TTC21B: variants seen among roughly 807,000 people sequenced by gnomAD.
TTC21B encodes tetratricopeptide repeat domain 21B, also known as tetratricopeptide repeat protein 21B.
TTC21B carries 127 observed loss-of-function variants against 175.1 expected under a neutral mutation model. The ratio of observed to expected loss-of-function variants is 0.73; its 90% CI spans 0.63 to 0.84. The LOEUF (loss-of-function observed/expected upper bound fraction) is 0.84. Ranked by LOEUF, TTC21B falls within the 40% of genes least tolerant of loss-of-function variation. The probability of loss-of-function intolerance (pLI) is 0.00; values close to 1 mark genes in which losing one functional copy is unlikely to be tolerated. For synonymous variants in TTC21B, 524 were observed against 524.5 expected (o/e 1.00, Z 0.01); for missense variants, 1,561 against 1,558.3 (o/e 1.00, Z -0.03).
intron 5 of TTC21B, among the ~76,000 whole-genome samples, chr2:165,941,558 G>C (rs1304172175): frequency 6.6e-6 from 1 of 151,876 alleles, no homozygotes; most frequent in East Asian, 1.9e-4. Flanking sequence ...TAGAAATTTT[G>C]CATCTTTTTT....
chr2:165,915,706 T>C (rs1357562043), intron 14 of TTC21B, among the ~76,000 whole-genome samples: 1 of 152,164 alleles, frequency 6.6e-6, no homozygotes, highest in Non-Finnish European at 1.5e-5. Context: ...GCTACTATAT[T>C]AATGAGCACT....
rs1354698515 is a variant in TTC21B, at chr2:165,930,372, G to T, written c.895-8C>A. ...AAGTTGACTACGTCCACACTAAAAA[G>T]AAAAAAAAATGATGTAAGATTTCAA... On this transcript the variant is annotated splice_polypyrimidine_tract_variant and splice_region_variant and intron_variant, in intron 8 of 28. Transcript: ENST00000243344. 9 of 1,556,920 alleles carry T rather than the reference G, an allele frequency of 5.8e-6. No individual in the cohort carries two copies. The highest frequency in any genetic ancestry group is 7.8e-6 in the Non-Finnish European group (9 of 1,149,928).
chr2:165,947,494 C>G (rs553630049), intron 3 of TTC21B: 14 of 151,878 alleles, frequency 9.2e-5, no homozygotes, highest in Non-Finnish European at 1.6e-4. Context: ...CTCCCCACCC[C>G]TACAACCCCT....
intron 12 of TTC21B, among the ~76,000 whole-genome samples, chr2:165,919,973 A>G (rs992559592): frequency 3.9e-5 from 6 of 152,226 alleles, no homozygotes; most frequent in African/African-American, 1.4e-4. Context: ...TTAAATACCA[A>G]TGGAAATAAT....
At chr2:165,934,604 A>G (rs200292609) in intron 6 of TTC21B, 2 of 1,074 alleles carry the variant, frequency 1.9e-3, no homozygotes, top group East Asian at 0.5. Flanking sequence ...AGGCTCACTT[A>G]AAAAAAAAAA....
At chr2:165,940,414 T>C (rs1163851831) in intron 6 of TTC21B, among the ~76,000 whole-genome samples, 1 of 152,124 alleles carries the variant, frequency 6.6e-6, no homozygotes, top group Non-Finnish European at 1.5e-5. Flanking sequence ...ACAAGACCCT[T>C]CACCATCTAG....
At chr2:165,891,967 T>G (rs534790780) in intron 22 of TTC21B, among the ~76,000 whole-genome samples, 93 of 152,198 alleles carry the variant, frequency 6.1e-4, no homozygotes, top group East Asian at 3.9e-4. Flanking sequence ...GGAGTCACAT[T>G]GGGGTTTTGA....
At position 165,941,037 on chromosome 2, in the gene TTC21B, T is replaced by A. The variant is rs1243555358; in HGVS notation, c.700A>T (p.Thr234Ser). ...CTTTTATTACTTAACCTTTGTGCTGTCTCAACTGTCTGGTCCCAATCCTGC... is the reference window on the plus strand; with the variant it reads ...CTTTTATTACTTAACCTTTGTGCTGACTCAACTGTCTGGTCCCAATCCTGC... The part of the protein sequence containing the change: ...ALQDWDQTVE[T>S]AQRLLLQDSQ... Residue 234 changes from threonine (T) to serine (S), a missense_variant, in exon 6 of 29, where the codon ACA becomes TCA. Coordinates refer to ENST00000243344, the MANE Select transcript of TTC21B (RefSeq NM_024753.5). The A allele has an allele frequency of 6.2e-7, 1 of 1,613,796 alleles. No individual in the cohort carries two copies. The highest frequency in any genetic ancestry group is 8.5e-7 in the Non-Finnish European group (1 of 1,179,832).
rs201602895 is a variant in TTC21B at position 165,933,074 on chromosome 2, T to G, written c.711-17A>C. On this transcript the variant is annotated splice_polypyrimidine_tract_variant and intron_variant, in intron 6 of 28. Transcript: ENST00000243344. ...AGCAGCAACCTGCAGGAAAACAATT[T>G]AGTTAATGTCAAAATAAATTTATAT... 3.7e-6 allele frequency: 6 copies of G among 1,607,092 alleles called. No homozygotes were observed. Among genetic ancestry groups the G allele is most frequent in the Non-Finnish European group, 5.1e-6 (6 of 1,175,568 alleles).
chr2:165,892,686 A>G (rs1685236502), intron 22 of TTC21B, among the ~76,000 whole-genome samples: 1 of 152,224 alleles, frequency 6.6e-6, no homozygotes, highest in Non-Finnish European at 1.5e-5. Flanking sequence ...CATAGAAAGT[A>G]GAATGATGGT....
In TTC21B at chr2:165,946,297, C is replaced by T. The variant is rs148816561; in HGVS notation, c.263-607G>A. ...GAGCTTGCAGTGAGCAGAGATCGCG[C>T]CACTGCACTCCAGCCTGGGTGATAG... On this transcript the variant is annotated intron_variant, in intron 3 of 28. Transcript: ENST00000243344. 7.5e-3 allele frequency among the ~76,000 whole-genome samples: 1,141 copies of T among 151,922 alleles called. 17 individuals carry two copies. Among genetic ancestry groups the T allele is most frequent in the African/African-American group, 0.026 (1,083 of 41,386 alleles).
intron 5 of TTC21B, 115 bp from the exon 6 acceptor site, chr2:165,941,299 T>C (rs1214907101): frequency 4.3e-6 from 5 of 1,150,472 alleles, no homozygotes; most frequent in Non-Finnish European, 6.3e-6. Flanking sequence ...TGAGGAGCAG[T>C]TATCACTTTT....
At chr2:165,900,650 A>G (rs929905131) in intron 20 of TTC21B, among the ~76,000 whole-genome samples, 1 of 152,150 alleles carries the variant, frequency 6.6e-6, no homozygotes, top group Non-Finnish European at 1.5e-5. Flanking sequence ...CTAAACACCA[A>G]TTGAAATACA....
In TTC21B at chr2:165,873,881, G is replaced by A. The variant is rs1257805036; in HGVS notation, c.*874C>T. On this transcript the variant is annotated 3_prime_UTR_variant, in exon 29 of 29. Coordinates refer to ENST00000243344, the MANE Select transcript of TTC21B (RefSeq NM_024753.5). Reference sequence around the variant, plus strand: ...CCACCCATTAACATTACAGAATGCAGGGGGAGCTTACCCTGATTTGCAAAA... The same window carrying A: ...CCACCCATTAACATTACAGAATGCAAGGGGAGCTTACCCTGATTTGCAAAA... 6.6e-6 allele frequency: 1 copy of A among 152,032 alleles called. No homozygotes were observed. The highest frequency in any genetic ancestry group is 2.4e-5 in the African/African-American group (1 of 41,388). 9.4% of individuals were successfully genotyped at this position (152,032 alleles called of 1,614,324 possible).
chr2:165,880,719 C>T lies in TTC21B; in HGVS notation c.3765G>A (p.Glu1255=). The change falls in exon 27 of 29, where the codon GAG becomes GAA. Residue 1255 remains glutamate, a synonymous_variant. Coordinates refer to ENST00000243344, the MANE Select transcript of TTC21B (RefSeq NM_024753.5). ...QAYTDAALNY[E]MAWKYSNRTN... Reference sequence around the variant, plus strand: ...TCCGATTGCTATATTTCCATGCCATCTCATAGTTCAAGGCAGCATCTGTAT... The same window carrying T: ...TCCGATTGCTATATTTCCATGCCATTTCATAGTTCAAGGCAGCATCTGTAT... The T allele has an allele frequency of 6.2e-7, 1 of 1,613,610 alleles. No individual in the cohort carries two copies.
At chr2:165,892,915 A>G (rs949823079) in intron 22 of TTC21B, among the ~76,000 whole-genome samples, 8 of 152,270 alleles carry the variant, frequency 5.3e-5, no homozygotes, top group African/African-American at 1.4e-4. Context: ...TTTAAAAAAG[A>G]CTTTTGGAAA....
chr2:165,903,515 C>T (rs1050138714), intron 19 of TTC21B, among the ~76,000 whole-genome samples: 9 of 152,130 alleles, frequency 5.9e-5, no homozygotes, highest in Admixed American at 5.9e-4. Flanking sequence ...GAACCATCAC[C>T]CTGGTGTCAC....
intron 22 of TTC21B, among the ~76,000 whole-genome samples, chr2:165,894,836 TAAAG>T (rs1685308886): frequency 6.6e-6 from 1 of 152,168 alleles, no homozygotes; most frequent in African/African-American, 2.4e-5. Context: ...TACAGTGTAA[TAAAG>T]AACACAAATA....
At position 165,929,683 on chromosome 2, in the gene TTC21B, T is replaced by C. The variant is rs1229507258; in HGVS notation, c.1152A>G (p.Leu384=). 1 of 1,612,774 alleles carries C rather than the reference T, an allele frequency of 6.2e-7. No homozygotes were observed. Among genetic ancestry groups the C allele is most frequent in the Non-Finnish European group, 8.5e-7 (1 of 1,179,158 alleles). The change falls in exon 10 of 29, where the codon TTA becomes TTG. Residue 384 remains leucine, a synonymous_variant. Coordinates refer to ENST00000243344, the MANE Select transcript of TTC21B (RefSeq NM_024753.5). ...LQDADQQLEF[L]NEIQQSIGKS... is the part of the protein sequence containing the mutation. ...TTCCAATGGATTGCTGGATTTCATTTAAAAATTCTAGCTGCTGATCTGCAT... is the reference window on the plus strand; with the variant it reads ...TTCCAATGGATTGCTGGATTTCATTCAAAAATTCTAGCTGCTGATCTGCAT...
Sources: allele counts gnomAD v4.1 joint callset (sites outside exome capture counted in the v4.1 genomes callset), GRCh38; gene constraint gnomAD v4.1.1; transcripts MANE v1.5; gene names NCBI Gene and HGNC (gene_info 2026-07-23, HGNC 2026-07-21).